CSMD1: variants seen among roughly 807,000 people sequenced by gnomAD.
The protein encoded by CSMD1 is CUB and sushi domain-containing protein 1.
CSMD1 carries 213 observed loss-of-function variants against 417.5 expected under a neutral mutation model. The observed-to-expected ratio is 0.51, with a 90% CI of 0.46 to 0.57. The LOEUF is 0.57. Among genes scored for constraint, CSMD1 ranks in the 20% least tolerant of loss-of-function variants. The probability of loss-of-function intolerance (pLI) is 0.00; values close to 1 mark genes in which losing one functional copy is unlikely to be tolerated. For missense variants in CSMD1, 6,923 were observed against 4,529.7 expected, an observed-to-expected ratio of 1.53 and a Z score of -15.17; for synonymous variants, 2,862 against 1,736.8, an observed-to-expected ratio of 1.65 and a Z score of -16.11.
chr8:3,572,696 T>C (rs1047443597), intron 10 of CSMD1, among the ~76,000 whole-genome samples: 1 of 152,212 alleles, frequency 6.6e-6, no homozygotes, highest in Non-Finnish European at 1.5e-5. Flanking sequence ...AATGTCGCAA[T>C]GGGATACTTC....
At chr8:3,819,159 T>A (rs891418953) in intron 5 of CSMD1, among the ~76,000 whole-genome samples, 1 of 152,120 alleles carries the variant, frequency 6.6e-6, no homozygotes, top group African/African-American at 2.4e-5. Flanking sequence ...GAATCTGACA[T>A]CAGAGGATGA....
chr8:4,654,501 G>A (rs1343788603), intron 1 of CSMD1, among the ~76,000 whole-genome samples: 1 of 152,072 alleles, frequency 6.6e-6, no homozygotes, highest in African/African-American at 2.4e-5. Context: ...CGAAGTACCA[G>A]GCAATGCATA....
chr8:2,955,668 G>T lies in CSMD1; in HGVS notation c.9915C>A (p.Gly3305=), dbSNP rs1394322948. Residue 3305 remains glycine (G), a synonymous_variant, in exon 64 of 70, where the codon GGC becomes GGA. Coordinates refer to ENST00000635120, the MANE Select transcript of CSMD1 (RefSeq NM_033225.6). ...GCTCAGATCCCCCTGCGAGGAAAAA[G>T]CCTGGATGGCAGGTGTACACTAAGG... is the stretch of plus-strand genomic sequence containing the variant. ...GYTLVYTCHP[G]FFLAGGSEHR... 1.2e-6 allele frequency: 2 copies of T among 1,613,786 alleles called. No homozygotes were observed. Among genetic ancestry groups the T allele is most frequent in the Non-Finnish European group, 1.7e-6 (2 of 1,179,836 alleles).
At chr8:3,888,406 G>A (rs78315794) in intron 5 of CSMD1, among the ~76,000 whole-genome samples, 1,597 of 152,182 alleles carry the variant, frequency 0.01, 26 homozygotes, top group African/African-American at 0.036. Flanking sequence ...CATTCTATAC[G>A]GAAACCTTTT....
chr8:4,758,084 G>A (rs1811785889), intron 1 of CSMD1, among the ~76,000 whole-genome samples: 1 of 151,952 alleles, frequency 6.6e-6, no homozygotes, highest in South Asian at 2.1e-4. Flanking sequence ...TTTCTCAGGT[G>A]AGAAATTTCC....
At chr8:3,814,281 G>C (rs888450769) in intron 5 of CSMD1, among the ~76,000 whole-genome samples, 3 of 152,240 alleles carry the variant, frequency 2.0e-5, no homozygotes, top group South Asian at 2.1e-4. Context: ...TTCTGTATCT[G>C]AATCTTGAGT....
At chr8:4,204,163 G>C (rs551715929) in intron 3 of CSMD1, among the ~76,000 whole-genome samples, 74 of 152,122 alleles carry the variant, frequency 4.9e-4, no homozygotes, top group Middle Eastern at 3.4e-3. Context: ...GAAATTCATT[G>C]ACTGTGCCCA....
At chr8:3,810,038 A>T (rs1800973582) in intron 5 of CSMD1, among the ~76,000 whole-genome samples, 1 of 152,192 alleles carries the variant, frequency 6.6e-6, no homozygotes, top group African/African-American at 2.4e-5. Flanking sequence ...CCATGTCTGT[A>T]GTCCTCTGTC....
chr8:3,131,618 C>A (rs1366816192), intron 41 of CSMD1, among the ~76,000 whole-genome samples: 2 of 151,814 alleles, frequency 1.3e-5, no homozygotes, highest in Non-Finnish European at 2.9e-5. Flanking sequence ...ATTAAAGTTG[C>A]CTGCCACCAT....
chr8:3,495,261 T>C (rs182039833), intron 10 of CSMD1, among the ~76,000 whole-genome samples: 92 of 152,326 alleles, frequency 6.0e-4, no homozygotes, highest in African/African-American at 2.0e-3. Flanking sequence ...AATCAGACAA[T>C]TTTAAAACTG....
chr8:4,133,932 G>C (rs574755696), intron 3 of CSMD1, among the ~76,000 whole-genome samples: 6 of 152,200 alleles, frequency 3.9e-5, no homozygotes, highest in African/African-American at 1.2e-4. Flanking sequence ...ATAAAATCTT[G>C]ATGTTTTCTT....
At chr8:3,553,182 G>C (rs951779535) in intron 10 of CSMD1, among the ~76,000 whole-genome samples, 2 of 152,036 alleles carry the variant, frequency 1.3e-5, no homozygotes, top group African/African-American at 4.8e-5. Context: ...TTCAGGCTGT[G>C]CTAAATGCAA....
chr8:4,435,758 A>C (rs2129636247), intron 2 of CSMD1, among the ~76,000 whole-genome samples: 1 of 152,256 alleles, frequency 6.6e-6, no homozygotes, highest in South Asian at 2.1e-4. Context: ...CTACAATAAA[A>C]AGTACCATAC....
intron 1 of CSMD1, among the ~76,000 whole-genome samples, chr8:4,912,018 A>C (rs1805709683): frequency 6.6e-6 from 1 of 151,822 alleles, no homozygotes; most frequent in African/African-American, 2.4e-5. Flanking sequence ...TTTCTTCTGT[A>C]ACCTTTATTA....
chr8:4,218,881 C>G (rs564426245), intron 3 of CSMD1, among the ~76,000 whole-genome samples: 1 of 152,306 alleles, frequency 6.6e-6, no homozygotes, highest in East Asian at 1.9e-4. Flanking sequence ...ATTTTCATAG[C>G]AAAAATCAAA....
chr8:3,418,607 G>A (rs1396776904), intron 12 of CSMD1, among the ~76,000 whole-genome samples: 1 of 152,134 alleles, frequency 6.6e-6, no homozygotes, highest in Non-Finnish European at 1.5e-5. Context: ...AATGTCCTGT[G>A]TCTCAGCTCA....
chr8:3,065,556 G>A (rs1812886305), intron 49 of CSMD1, among the ~76,000 whole-genome samples: 1 of 151,898 alleles, frequency 6.6e-6, no homozygotes, highest in Admixed American at 6.6e-5. Flanking sequence ...ATATAGAAAG[G>A]AAAATGATAG....
intron 5 of CSMD1, among the ~76,000 whole-genome samples, chr8:3,912,609 G>A (rs1451066284): frequency 6.6e-6 from 1 of 152,174 alleles, no homozygotes; most frequent in Non-Finnish European, 1.5e-5. Context: ...GAGAGAAGGA[G>A]CTAAGGTGAA....
chr8:4,670,300 G>T (rs1224089002), intron 1 of CSMD1, among the ~76,000 whole-genome samples: 1 of 152,092 alleles, frequency 6.6e-6, no homozygotes, highest in Non-Finnish European at 1.5e-5. Flanking sequence ...GATGGTTTTT[G>T]TGGCCTTGGC....
Sources: gnomAD v4.1 joint callset for allele counts (sites outside exome capture counted in the v4.1 genomes callset) on GRCh38, gnomAD v4.1.1 for gene constraint, MANE v1.5 for transcripts, NCBI Gene and HGNC (gene_info 2026-07-23, HGNC 2026-07-21) for gene names.